Variants in ZNF385B observed in about 807,000 individuals in gnomAD.
ZNF385B encodes zinc finger protein 533.
A neutral mutation model predicts 39.2 loss-of-function variants in ZNF385B; 23 were observed. The observed-to-expected ratio is 0.59, with a 90% CI of 0.42 to 0.83. The LOEUF is 0.83. Ranked by LOEUF, ZNF385B falls within the 40% of genes least tolerant of loss-of-function variation. ZNF385B has a pLI of 0.00. For synonymous variants in ZNF385B, 205 were observed against 222.6 expected (o/e 0.92, Z 0.70); for missense variants, 552 against 598.9 (o/e 0.92, Z 0.82).
intron 3 of ZNF385B, among the ~76,000 whole-genome samples, chr2:179,585,336 T>C (rs1356702572): frequency 1.3e-5 from 2 of 152,180 alleles, no homozygotes; most frequent in African/African-American, 4.8e-5. Context: ...TTGACCTACC[T>C]CATGGAATTT....
chr2:179,757,468 A>G (rs2106480954), intron 3 of ZNF385B, among the ~76,000 whole-genome samples: 2 of 152,228 alleles, frequency 1.3e-5, no homozygotes, highest in East Asian at 3.9e-4. Flanking sequence ...ATGCTGGGAG[A>G]ACCACTAGTC....
chr2:179,689,386 G>C (rs1470375245), intron 3 of ZNF385B, among the ~76,000 whole-genome samples: 2 of 152,190 alleles, frequency 1.3e-5, no homozygotes, highest in South Asian at 4.1e-4. Flanking sequence ...GAGTTGGAAA[G>C]AACCTGAAGC....
chr2:179,714,124 G>A (rs960521195), intron 3 of ZNF385B, among the ~76,000 whole-genome samples: 2 of 152,194 alleles, frequency 1.3e-5, no homozygotes, highest in African/African-American at 4.8e-5. Context: ...GAAGAACTGA[G>A]CTACTTAGAA....
intron 1 of ZNF385B, among the ~76,000 whole-genome samples, chr2:179,842,170 G>A (rs898297620): frequency 5.3e-5 from 8 of 152,058 alleles, no homozygotes; most frequent in Non-Finnish European, 1.0e-4. Context: ...AGTAAGTGGT[G>A]GTTTTTACTA....
At chr2:179,736,427 G>C (rs1474331019) in intron 3 of ZNF385B, among the ~76,000 whole-genome samples, 5 of 151,980 alleles carry the variant, frequency 3.3e-5, no homozygotes, top group African/African-American at 1.2e-4. Flanking sequence ...GGACCATTAA[G>C]CTTTTACTAT....
intron 3 of ZNF385B, among the ~76,000 whole-genome samples, chr2:179,656,865 A>G (rs1029353630): frequency 3.2e-4 from 49 of 152,160 alleles, no homozygotes; most frequent in African/African-American, 9.9e-4. Flanking sequence ...TATGATTTAG[A>G]TATTATACCT....
chr2:179,815,672 G>A (rs540856483), intron 1 of ZNF385B, among the ~76,000 whole-genome samples: 2 of 152,052 alleles, frequency 1.3e-5, no homozygotes, highest in African/African-American at 2.4e-5. Flanking sequence ...CACTACTCTA[G>A]CGCTTAACCA....
At chr2:179,673,715 A>G (rs2056109) in intron 3 of ZNF385B, among the ~76,000 whole-genome samples, 6,234 of 152,278 alleles carry the variant, frequency 0.041, 173 homozygotes, top group Middle Eastern at 0.058. Context: ...AATGACATCA[A>G]CTCAAACTAC....
At chr2:179,580,920 A>T (rs1318479913) in intron 3 of ZNF385B, among the ~76,000 whole-genome samples, 1 of 152,196 alleles carries the variant, frequency 6.6e-6, no homozygotes, top group Admixed American at 6.5e-5. Flanking sequence ...TGAGGGGCTG[A>T]CAACCTGGAG....
chr2:179,836,092 A>G (rs1708233011), intron 1 of ZNF385B, among the ~76,000 whole-genome samples: 1 of 152,250 alleles, frequency 6.6e-6, no homozygotes, highest in African/African-American at 2.4e-5. Flanking sequence ...AGGTTAAATA[A>G]GTCAGTCACC....
intron 3 of ZNF385B, among the ~76,000 whole-genome samples, chr2:179,627,646 T>C (rs1690784245): frequency 2.0e-5 from 3 of 152,202 alleles, no homozygotes. Context: ...CATCAATAGC[T>C]TGAAATCAGC....
rs886386023 is a variant in ZNF385B, at chr2:179,769,674, T to C, written c.127A>G (p.Lys43Glu). ...CAGAAGGAGAAAAGAATTTTCTTTT[T>C]CTCTTTGCTCAACTGGTCCTCAGGC... ...DRPEDQLSKEKKKILFSFCEV... is the reference protein window; with the variant it reads ...DRPEDQLSKEEKKILFSFCEV... Residue 43 changes from lysine to glutamate, a missense_variant, in exon 3 of 10, where the codon AAA becomes GAA. Physicochemically the swap from Lys to Glu is moderately conservative, Grantham distance 56. Coordinates refer to ENST00000410066, the MANE Select transcript of ZNF385B (RefSeq NM_152520.6). 2.5e-6 allele frequency: 4 copies of C among 1,614,068 alleles called. No homozygotes were observed. The African/African-American group carries it at 5.3e-5, about 22-fold the overall frequency.
intron 3 of ZNF385B, among the ~76,000 whole-genome samples, chr2:179,561,223 T>A (rs181415145): frequency 6.6e-6 from 1 of 152,192 alleles, no homozygotes; most frequent in African/African-American, 2.4e-5. Context: ...AAGAAAATGA[T>A]GCTTGGGATA....
intron 3 of ZNF385B, among the ~76,000 whole-genome samples, chr2:179,615,894 A>T (rs1689689218): frequency 6.6e-6 from 1 of 152,232 alleles, no homozygotes. Flanking sequence ...ACCAAGAATG[A>T]TCTTTATTTT....
chr2:179,847,039 G>A (rs1287941426), intron 1 of ZNF385B, among the ~76,000 whole-genome samples: 1 of 152,222 alleles, frequency 6.6e-6, no homozygotes, highest in Non-Finnish European at 1.5e-5. Context: ...TTCTTAAAAA[G>A]TTTAACAAGC....
intron 1 of ZNF385B, among the ~76,000 whole-genome samples, chr2:179,805,614 A>G (rs1047865269): frequency 6.6e-6 from 1 of 152,200 alleles, no homozygotes; most frequent in Non-Finnish European, 1.5e-5. Context: ...AAATTACCTA[A>G]CTTGCCTGTG....
intron 1 of ZNF385B, among the ~76,000 whole-genome samples, chr2:179,855,246 T>C (rs1684498873): frequency 6.6e-6 from 1 of 152,266 alleles, no homozygotes; most frequent in Non-Finnish European, 1.5e-5. Flanking sequence ...AGCTTTTGCC[T>C]GCATAGCACA....
In ZNF385B at chr2:179,605,741, C is replaced by CCCATTACT. The variant is rs1246605069; in HGVS notation, c.299-60780_299-60773dup. Among the ~76,000 whole-genome samples, 8 of 152,168 alleles carry CCCATTACT rather than the reference C, an allele frequency of 5.3e-5. No individual in the cohort carries two copies. In the East Asian group the frequency reaches 1.2e-3, roughly 22 times the overall value. On this transcript the variant is annotated intron_variant, in intron 3 of 9. Transcript: ENST00000410066. Reference sequence around the variant, plus strand: ...ATAATAATTACAGAGAGGTCAAATGCCCATTACTAATTCATGTCCTTAAGT... The same window carrying CCCATTACT: ...ATAATAATTACAGAGAGGTCAAATGCCCATTACTCCATTACTAATTCATGTCCTTAAGT...
At chr2:179,710,939 G>A (rs115707062) in intron 3 of ZNF385B, among the ~76,000 whole-genome samples, 4,518 of 152,196 alleles carry the variant, frequency 0.03, 211 homozygotes, top group African/African-American at 0.099. Flanking sequence ...ATTGCACCTC[G>A]TGTAGTGAGT....
Sources: allele counts gnomAD v4.1 joint callset (sites outside exome capture counted in the v4.1 genomes callset), GRCh38; gene constraint gnomAD v4.1.1; transcripts MANE v1.5; gene names NCBI Gene and HGNC (gene_info 2026-07-23, HGNC 2026-07-21).